The following CHCHD6 variants were observed in gnomAD, a reference collection of about 807,000 sequenced individuals.
The protein encoded by CHCHD6 is MICOS complex subunit MIC25.
In CHCHD6, 28 loss-of-function variants were observed where a neutral mutation model predicts 32.3. The observed-to-expected ratio is 0.87, with a 90% CI of 0.64 to 1.19. CHCHD6 has a LOEUF of 1.19. CHCHD6 is among the 50% of genes most tolerant of loss of function. The probability of loss-of-function intolerance (pLI) is 0.00; values close to 1 mark genes in which losing one functional copy is unlikely to be tolerated. For synonymous variants in CHCHD6, 122 were observed against 117.5 expected, an observed-to-expected ratio of 1.04 and a Z score of -0.25; for missense variants, 333 against 307.0, an observed-to-expected ratio of 1.08 and a Z score of -0.63.
intron 5 of CHCHD6, among the ~76,000 whole-genome samples, chr3:126,900,173 A>G (rs2077901415): frequency 6.6e-6 from 1 of 152,206 alleles, no homozygotes; most frequent in African/African-American, 2.4e-5. Flanking sequence ...GTTTTCCTTG[A>G]CATTAAGCTC....
At chr3:126,901,267 T>A (rs1446688193) in intron 5 of CHCHD6, among the ~76,000 whole-genome samples, 6 of 152,230 alleles carry the variant, frequency 3.9e-5, no homozygotes, top group Non-Finnish European at 8.8e-5. Flanking sequence ...AAACTGCTAA[T>A]TTTCTGACTC....
chr3:126,937,453 G>A (rs972280169), intron 6 of CHCHD6, among the ~76,000 whole-genome samples: 2 of 152,166 alleles, frequency 1.3e-5, no homozygotes, highest in Non-Finnish European at 2.9e-5. Context: ...GGCTTGTCTC[G>A]GAGAAGGCTA....
intron 4 of CHCHD6, among the ~76,000 whole-genome samples, chr3:126,800,827 A>G (rs1939027767): frequency 6.6e-6 from 1 of 152,160 alleles, no homozygotes; most frequent in South Asian, 2.1e-4. Flanking sequence ...AGATTAAAAG[A>G]TTGCTTCATG....
chr3:126,913,238 T>G (rs1479085173), intron 5 of CHCHD6, among the ~76,000 whole-genome samples: 1 of 119,710 alleles, frequency 8.4e-6, no homozygotes. Context: ...TTTTTTTTTT[T>G]TTTTTTGGGA....
At chr3:126,886,780 A>G (rs1277078997) in intron 5 of CHCHD6, among the ~76,000 whole-genome samples, 1 of 152,084 alleles carries the variant, frequency 6.6e-6, no homozygotes, top group African/African-American at 2.4e-5. Context: ...TTTACAACCT[A>G]GGAGCCTGAG....
chr3:126,872,317 C>G (rs538815649), intron 5 of CHCHD6, among the ~76,000 whole-genome samples: 1 of 152,272 alleles, frequency 6.6e-6, no homozygotes, highest in South Asian at 2.1e-4. Flanking sequence ...GGGAGGATTG[C>G]TTAAGCACAG....
chr3:126,730,302 G>A (rs1559809077), intron 2 of CHCHD6, among the ~76,000 whole-genome samples: 1 of 152,298 alleles, frequency 6.6e-6, no homozygotes, highest in East Asian at 1.9e-4. Context: ...TTGGAACACT[G>A]CACCCAGTGT....
chr3:126,780,591 A>G (rs1378958549), intron 4 of CHCHD6, among the ~76,000 whole-genome samples: 1 of 152,140 alleles, frequency 6.6e-6, no homozygotes, highest in Non-Finnish European at 1.5e-5. Flanking sequence ...TTGGAGGGTC[A>G]TCTTCTTGAT....
At chr3:126,867,961 T>C (rs1405510481) in intron 5 of CHCHD6, among the ~76,000 whole-genome samples, 1 of 152,246 alleles carries the variant, frequency 6.6e-6, no homozygotes, top group African/African-American at 2.4e-5. Flanking sequence ...TCCTTAGCTT[T>C]GCCTACAGGG....
intron 5 of CHCHD6, among the ~76,000 whole-genome samples, chr3:126,901,992 G>A (rs1041024323): frequency 2.0e-5 from 3 of 152,234 alleles, no homozygotes; most frequent in Admixed American, 6.5e-5. Flanking sequence ...GTTAGATGAG[G>A]AAACAGGAAC....
intron 4 of CHCHD6, among the ~76,000 whole-genome samples, chr3:126,757,055 G>A (rs1232759339): frequency 2.0e-5 from 3 of 152,106 alleles, no homozygotes; most frequent in East Asian, 1.9e-4. Context: ...ACAACCACAC[G>A]CGTATTTGTT....
intron 6 of CHCHD6, among the ~76,000 whole-genome samples, chr3:126,925,948 C>CG (rs1426517099): frequency 6.6e-6 from 1 of 152,184 alleles, no homozygotes; most frequent in African/African-American, 2.4e-5. Flanking sequence ...GGCTTGGTGG[C>CG]GGGCTCTGTG....
At chr3:126,725,271 A>C (rs944285327) in intron 1 of CHCHD6, among the ~76,000 whole-genome samples, 1 of 152,238 alleles carries the variant, frequency 6.6e-6, no homozygotes, top group Non-Finnish European at 1.5e-5. Context: ...GAGGCATGAA[A>C]ATAACATTCA....
At chr3:126,891,938 G>T (rs1341417126) in intron 5 of CHCHD6, among the ~76,000 whole-genome samples, 2 of 152,170 alleles carry the variant, frequency 1.3e-5, no homozygotes, top group Non-Finnish European at 2.9e-5. Context: ...TAAGCCACTG[G>T]CATTTGGGAA....
At chr3:126,874,461 C>T (rs538586381) in intron 5 of CHCHD6, among the ~76,000 whole-genome samples, 28 of 152,234 alleles carry the variant, frequency 1.8e-4, no homozygotes, top group African/African-American at 6.0e-4. Context: ...ACCATGTAGC[C>T]TTGGGATGGC....
At chr3:126,862,392 CTCT>C (rs1469100494) in intron 5 of CHCHD6, among the ~76,000 whole-genome samples, 23 of 135,248 alleles carry the variant, frequency 1.7e-4, no homozygotes, top group South Asian at 2.6e-4. Flanking sequence ...CCTCCTCCTC[CTCT>C]ACCATCACCA....
At chr3:126,936,187 G>A (rs1439709513) in intron 6 of CHCHD6, among the ~76,000 whole-genome samples, 4 of 152,274 alleles carry the variant, frequency 2.6e-5, no homozygotes, top group South Asian at 4.1e-4. Flanking sequence ...CTCCTCCTGC[G>A]ACTCCTTAGC....
At chr3:126,952,385 C>T (rs1195579703) in intron 6 of CHCHD6, among the ~76,000 whole-genome samples, 1 of 152,194 alleles carries the variant, frequency 6.6e-6, no homozygotes, top group Non-Finnish European at 1.5e-5. Flanking sequence ...GGCCCATGGC[C>T]ACCTGCTGGG....
At chr3:126,723,805 G>A (rs1163978797) in intron 1 of CHCHD6, among the ~76,000 whole-genome samples, 1 of 152,134 alleles carries the variant, frequency 6.6e-6, no homozygotes, top group African/African-American at 2.4e-5. Context: ...TTTTCTCAGT[G>A]AGATATTCTG....
Sources: gnomAD v4.1 joint callset for allele counts (sites outside exome capture counted in the v4.1 genomes callset) on GRCh38, gnomAD v4.1.1 for gene constraint, MANE v1.5 for transcripts, NCBI Gene and HGNC (gene_info 2026-07-23, HGNC 2026-07-21) for gene names.